Variants in DLG2 observed in about 807,000 individuals in gnomAD.
The protein encoded by DLG2 is discs large MAGUK scaffold protein 2, also known as disks large homolog 2.
DLG2 carries 45 observed loss-of-function variants against 132.5 expected under a neutral mutation model. The ratio of observed to expected loss-of-function variants is 0.34; its 90% CI spans 0.27 to 0.44. The LOEUF is 0.44. DLG2 is among the 20% of genes least tolerant of loss of function. The pLI, the probability that DLG2 is intolerant of heterozygous loss-of-function variation, is 1.00. For synonymous variants in DLG2, 424 were observed against 419.6 expected, an observed-to-expected ratio of 1.01 and a Z score of -0.13; for missense variants, 1,045 against 1,196.9, an observed-to-expected ratio of 0.87 and a Z score of 1.87.
chr11:84,806,960 A>G (rs1260496574), intron 6 of DLG2, among the ~76,000 whole-genome samples: 2 of 152,198 alleles, frequency 1.3e-5, no homozygotes, highest in Non-Finnish European at 2.9e-5. Context: ...AAGACAACAC[A>G]GTACACTGTC....
At chr11:83,510,668 T>C (rs182721345) in intron 21 of DLG2, among the ~76,000 whole-genome samples, 8 of 152,156 alleles carry the variant, frequency 5.3e-5, no homozygotes, top group African/African-American at 1.4e-4. Context: ...CTCTTCGGTA[T>C]AGCTCTCACG....
intron 4 of DLG2, among the ~76,000 whole-genome samples, chr11:85,250,936 T>C (rs2076368009): frequency 6.6e-6 from 1 of 152,202 alleles, no homozygotes; most frequent in African/African-American, 2.4e-5. Flanking sequence ...TATATTTTCC[T>C]TGTACAGGGT....
intron 7 of DLG2, among the ~76,000 whole-genome samples, chr11:84,267,377 C>A (rs139721423): frequency 6.6e-6 from 1 of 152,266 alleles, no homozygotes; most frequent in East Asian, 1.9e-4. Context: ...GGAGTTAAGT[C>A]CTGAAGGATA....
In DLG2 at chr11:84,079,694, T is replaced by C. The variant is rs563478847; in HGVS notation, c.749+19229A>G. 5.3e-5 allele frequency among the ~76,000 whole-genome samples: 8 copies of C among 152,292 alleles called. No homozygotes were observed. In the South Asian group the frequency reaches 1.0e-3, roughly 20 times the overall value. ...CAATTTAGTTTTGTCATTTCCCACA[T>C]TGAAACATTCCAGGTCTCATGTTCT... On this transcript the variant is annotated intron_variant, in intron 10 of 27. Transcript: ENST00000376104.
chr11:85,216,013 TA>T (rs35448301), intron 4 of DLG2, among the ~76,000 whole-genome samples: 110 of 144,856 alleles, frequency 7.6e-4, no homozygotes, highest in South Asian at 8.7e-4. Flanking sequence ...ATTTGGAAGT[TA>T]AAAAAAAAAA....
At chr11:83,926,480 C>A (rs2154126189) in intron 15 of DLG2, among the ~76,000 whole-genome samples, 1 of 152,080 alleles carries the variant, frequency 6.6e-6, no homozygotes, top group East Asian at 1.9e-4. Flanking sequence ...GGCATTTCTT[C>A]AACATTTTTG....
At chr11:84,013,082 C>G (rs553190736) in intron 11 of DLG2, among the ~76,000 whole-genome samples, 34 of 152,122 alleles carry the variant, frequency 2.2e-4, no homozygotes, top group Non-Finnish European at 4.6e-4. Flanking sequence ...GATCATCTGT[C>G]TTACTTCTCT....
intron 6 of DLG2, among the ~76,000 whole-genome samples, chr11:85,047,701 T>C (rs2062478970): frequency 6.6e-6 from 1 of 151,790 alleles, no homozygotes; most frequent in African/African-American, 2.4e-5. Flanking sequence ...TATAAAATTA[T>C]ACAGAAATTA....
At chr11:85,330,768 A>AC (rs2081650008) in intron 3 of DLG2, among the ~76,000 whole-genome samples, 1 of 121,968 alleles carries the variant, frequency 8.2e-6, no homozygotes, top group African/African-American at 3.2e-5. Flanking sequence ...CCTAAAACTT[A>AC]GAGTATAATA....
intron 11 of DLG2, among the ~76,000 whole-genome samples, chr11:84,021,764 T>TC (rs1406749744): frequency 6.7e-6 from 1 of 149,678 alleles, no homozygotes; most frequent in Non-Finnish European, 1.5e-5. Flanking sequence ...AACTACTTCT[T>TC]TTTTTTTTTT....
intron 6 of DLG2, among the ~76,000 whole-genome samples, chr11:85,001,138 G>A (rs1332114415): frequency 1.3e-5 from 2 of 151,686 alleles, no homozygotes; most frequent in African/African-American, 2.4e-5. Flanking sequence ...CTGGCACCGA[G>A]ACTAGAGGGC....
At chr11:85,538,295 T>C (rs1372308870) in intron 3 of DLG2, among the ~76,000 whole-genome samples, 1 of 151,766 alleles carries the variant, frequency 6.6e-6, no homozygotes, top group Non-Finnish European at 1.5e-5. Flanking sequence ...GAGCTGGCCA[T>C]AAAGACATTC....
In DLG2 at chr11:84,964,571, AATAAAGT is replaced by A. The variant is rs149618976; in HGVS notation, c.357+147083_357+147089del. On this transcript the variant is annotated intron_variant, in intron 6 of 27. Coordinates refer to ENST00000376104, the MANE Select transcript of DLG2 (RefSeq NM_001142699.3). ...TGTTTGCTTTGCTATACATGGAGAA[AATAAAGT>A]ACAAGACAACATCCCTCTGCCGTTA... Among the ~76,000 whole-genome samples, 310 of 152,258 alleles carry A rather than the reference AATAAAGT, an allele frequency of 2.0e-3. 1 individual carries two copies. Among genetic ancestry groups the A allele is most frequent in the African/African-American group, 7.3e-3 (302 of 41,572 alleles).
intron 6 of DLG2, among the ~76,000 whole-genome samples, chr11:84,678,298 G>A (rs1237128900): frequency 6.6e-6 from 1 of 151,924 alleles, no homozygotes; most frequent in East Asian, 1.9e-4. Flanking sequence ...TTTTTCACTG[G>A]ATGTTTTGCT....
At chr11:85,231,363 C>G (rs956447681) in intron 4 of DLG2, among the ~76,000 whole-genome samples, 10 of 151,946 alleles carry the variant, frequency 6.6e-5, no homozygotes, top group Admixed American at 6.6e-4. Flanking sequence ...CTTTTTATAT[C>G]AAGTATTGTA....
chr11:85,371,627 GCCTCATAC>G (rs2084982141), intron 3 of DLG2, among the ~76,000 whole-genome samples: 1 of 152,180 alleles, frequency 6.6e-6, no homozygotes, highest in Admixed American at 6.5e-5. Context: ...GGGGAAACTG[GCCTCATAC>G]CCTTGTCTAT....
intron 18 of DLG2, among the ~76,000 whole-genome samples, chr11:83,657,534 C>CTTTTTTTTTTT (rs540422330): frequency 7.5e-5 from 7 of 93,374 alleles, no homozygotes; most frequent in South Asian, 3.7e-4. Context: ...ATTGTCTATT[C>CTTTTTTTTTTT]TTTTTTTTTT....
intron 11 of DLG2, among the ~76,000 whole-genome samples, chr11:84,022,916 A>T (rs1018602273): frequency 1.3e-5 from 2 of 152,180 alleles, no homozygotes; most frequent in African/African-American, 4.8e-5. Context: ...AGGGGAAACA[A>T]TGATGTAGTA....
chr11:85,039,641 G>T (rs904036668), intron 6 of DLG2, among the ~76,000 whole-genome samples: 2 of 151,780 alleles, frequency 1.3e-5, no homozygotes, highest in African/African-American at 4.8e-5. Context: ...TAACCATGAT[G>T]TTGGGGACAA....
Sources: gnomAD v4.1 joint callset for allele counts (sites outside exome capture counted in the v4.1 genomes callset) on GRCh38, gnomAD v4.1.1 for gene constraint, MANE v1.5 for transcripts, NCBI Gene and HGNC (gene_info 2026-07-23, HGNC 2026-07-21) for gene names.